Variants in LRIT1 observed in about 807,000 individuals in gnomAD.
LRIT1 encodes leucine rich repeat, Ig-like and transmembrane domains 1.
Under a neutral mutation model 24.0 loss-of-function variants are expected in LRIT1, and 23 were observed. The ratio of observed to expected loss-of-function variants is 0.96; its 90% CI spans 0.69 to 1.36. LRIT1 has a LOEUF of 1.36. LRIT1 is among the 40% of genes most tolerant of loss of function. The pLI is 0.00. For missense variants in LRIT1, 846 were observed against 806.3 expected, an observed-to-expected ratio of 1.05 and a Z score of -0.60; for synonymous variants, 361 against 340.5, an observed-to-expected ratio of 1.06 and a Z score of -0.66.
chr10:84,241,385 C>T lies in LRIT1; in HGVS notation c.55G>A (p.Ala19Thr), dbSNP rs772451441. Residue 19 changes from alanine to threonine, a missense_variant, in exon 1 of 4, where the codon GCC becomes ACC. By Grantham distance (58) the Ala-to-Thr change is moderately conservative. Transcript: ENST00000372105. The stretch of plus-strand genomic sequence containing the variant: ...CATTGAGAGGGGCAGAAGCCCCGGG[C>T]CTGGGGGGGCCACGCAAGGGCCAAG... Reference protein sequence around the residue: ...WLLALAWPPQARGFCPSQCSC... With the variant: ...WLLALAWPPQTRGFCPSQCSC... 1.9e-6 allele frequency: 3 copies of T among 1,611,600 alleles called. No homozygotes were observed. In the Admixed American group the frequency reaches 5.0e-5, roughly 27 times the overall value.
Position 84,237,294 on chromosome 10 carries a change from T to G in LRIT1, c.515A>C (p.Gln172Pro). ...GTGAGCCCAGGAGACGATGAGCTCC[T>G]GCGGGAGCCTCATCAGCTGGTTGCT... ...LSSNQLMRLPQELIVSWAHLE... is the reference protein window; with the variant it reads ...LSSNQLMRLPPELIVSWAHLE... The change falls in exon 2 of 4, where the codon CAG (glutamine) becomes CCG (proline). Residue 172 changes from glutamine (Q) to proline (P), a missense_variant. Coordinates refer to ENST00000372105, the MANE Select transcript of LRIT1 (RefSeq NM_015613.3). 4 of 1,550,994 alleles carry G rather than the reference T, an allele frequency of 2.6e-6. No individual in the cohort carries two copies. The highest frequency in any genetic ancestry group is 3.5e-6 in the Non-Finnish European group (4 of 1,146,964).
At position 84,237,412 on chromosome 10, in the gene LRIT1, G is replaced by A. The variant is rs1156311150; in HGVS notation, c.397C>T (p.Leu133=). 1 of 1,546,726 alleles carries A rather than the reference G, an allele frequency of 6.5e-7. No homozygotes were observed. Among genetic ancestry groups the A allele is most frequent in the African/African-American group, 1.4e-5 (1 of 73,106 alleles). Reference sequence around the variant, plus strand: ...TTGGCCTGCAGGTCCAGCAGCCGCAGCTTGGGGGCGTCCCTGAGCGCCGCC... The same window carrying A: ...TTGGCCTGCAGGTCCAGCAGCCGCAACTTGGGGGCGTCCCTGAGCGCCGCC... ...PWAALRDAPK[L]RLLDLQANRL... is the part of the protein sequence containing the mutation. The change falls in exon 2 of 4, where the codon CTG becomes TTG. Residue 133 remains leucine (L), a synonymous_variant. Transcript: ENST00000372105.
In LRIT1 at chr10:84,234,914, G is replaced by C. The variant is rs377635717; in HGVS notation, c.590-536C>G. On this transcript the variant is annotated intron_variant, in intron 2 of 3. Coordinates refer to ENST00000372105, the MANE Select transcript of LRIT1 (RefSeq NM_015613.3). ...ACAGGGCCAGAAAATCAAATCCTAG[G>C]CTATATCCCCTACTGTCTTTACTCT... is the stretch of plus-strand genomic sequence containing the variant. Among the ~76,000 whole-genome samples the C allele has an allele frequency of 2.4e-3, 369 of 152,170 alleles. 1 individual carries two copies. The highest frequency in any genetic ancestry group is 0.018 in the South Asian group (88 of 4,822).
At position 84,232,349 on chromosome 10, in the gene LRIT1, T is replaced by A. The variant is rs200114958; in HGVS notation, c.1450A>T (p.Thr484Ser). Residue 484 changes from threonine (T) to serine (S), a missense_variant, in exon 4 of 4, where the codon ACC becomes TCC. By Grantham distance (58) the Thr-to-Ser change is moderately conservative. Transcript: ENST00000372105. ...GTCTTGGGCAACAGCCCAGTGATGG[T>A]CACTCTGGTCTTCCCAGGCTGCACA... ...VIVQPGKTRV[T>S]ITGLLPKTKY... 4.5e-5 allele frequency: 73 copies of A among 1,613,790 alleles called. No individual in the cohort carries two copies. The highest frequency in any genetic ancestry group is 5.3e-5 in the Non-Finnish European group (63 of 1,179,948).
chr10:84,239,282 A>T (rs1159955150), intron 1 of LRIT1, among the ~76,000 whole-genome samples: 1 of 152,210 alleles, frequency 6.6e-6, no homozygotes, highest in Non-Finnish European at 1.5e-5. Context: ...ATATTTCCAG[A>T]TACTACAATA....
rs900961105 is a variant in LRIT1 at position 84,231,806 on chromosome 10, T to C, written c.*121A>G. The stretch of plus-strand genomic sequence containing the variant: ...GTAGCAGCTGCTGCTGCTGTTGTTG[T>C]GTGTAAGTATCTGAGTAAGCAGGTA... On this transcript the variant is annotated 3_prime_UTR_variant, in exon 4 of 4. Transcript: ENST00000372105. 21 of 1,066,968 alleles carry C rather than the reference T, an allele frequency of 2.0e-5. No homozygotes were observed. The highest frequency in any genetic ancestry group is 2.7e-5 in the Non-Finnish European group (20 of 754,350). 66.1% of individuals were successfully genotyped at this position (1,066,968 alleles called of 1,614,324 possible). A position where few individuals can be genotyped will look rare whatever the true frequency, so the allele number is the denominator to read the frequency against.
At chr10:84,234,041 T>C in intron 3 of LRIT1, 32 bp downstream of exon 3, 2 of 1,415,566 alleles carry the variant, frequency 1.4e-6, no homozygotes, top group Admixed American at 2.6e-5. Context: ...CCAGTCTAGG[T>C]TCTCAGTGCA....
intron 2 of LRIT1, 88 bp downstream of exon 2, chr10:84,237,132 A>G (rs1305841055): frequency 9.5e-7 from 1 of 1,055,418 alleles, no homozygotes; most frequent in Admixed American, 2.4e-5. Context: ...CCTGGAAGGA[A>G]GGTATGATTT....
chr10:84,234,261 C>A lies in LRIT1; in HGVS notation c.707G>T (p.Arg236Leu). The change falls in exon 3 of 4, where the codon CGT becomes CTT. Residue 236 changes from arginine (R) to leucine (L), a missense_variant. Physicochemically the swap from Arg to Leu is moderately radical, Grantham distance 102. Transcript: ENST00000372105. ...IETELRCASP[R>L]SLAGVAFSQL... is the part of the protein sequence containing the mutation. ...GCTGAAGGCCACTCCGGCCAGGCTA[C>A]GTGGGCTGGCACATCTCAGTTCAGT... The A allele has an allele frequency of 6.2e-7, 1 of 1,613,848 alleles. No individual in the cohort carries two copies. The highest frequency in any genetic ancestry group is 8.5e-7 in the Non-Finnish European group (1 of 1,179,886).
Position 84,241,477 on chromosome 10 carries a change from C to A in LRIT1, c.-38G>T. On this transcript the variant is annotated 5_prime_UTR_variant, in exon 1 of 4. Transcript: ENST00000372105. ...CTCTCTGGCCCAGGCAGGGGCCTGT[C>A]CCTGGACCGCTCCGTCCCACCGGCC... 1 of 1,470,526 alleles carries A rather than the reference C, an allele frequency of 6.8e-7. No individual in the cohort carries two copies. Among genetic ancestry groups the A allele is most frequent in the Non-Finnish European group, 9.0e-7 (1 of 1,117,176 alleles). 91.1% of individuals were successfully genotyped at this position (1,470,526 alleles called of 1,614,324 possible).
At chr10:84,233,556 A>G (rs375738969) in intron 3 of LRIT1, among the ~76,000 whole-genome samples, 2 of 152,176 alleles carry the variant, frequency 1.3e-5, no homozygotes, top group African/African-American at 4.8e-5. Flanking sequence ...TGTGTAATGT[A>G]GCATTTAGCC....
At chr10:84,240,284 C>T (rs1842682116) in intron 1 of LRIT1, among the ~76,000 whole-genome samples, 1 of 152,174 alleles carries the variant, frequency 6.6e-6, no homozygotes, top group Non-Finnish European at 1.5e-5. Context: ...GGGACAGGAC[C>T]CTTACACTTC....
Position 84,232,677 on chromosome 10 carries a change from G to A in LRIT1, c.1122C>T (p.Tyr374=). 1 of 1,613,702 alleles carries A rather than the reference G, an allele frequency of 6.2e-7. No homozygotes were observed. Among genetic ancestry groups the A allele is most frequent in the African/African-American group, 1.3e-5 (1 of 75,062 alleles). Residue 374 remains tyrosine (Y), a synonymous_variant, in exon 4 of 4, where the codon TAC becomes TAT. Coordinates refer to ENST00000372105, the MANE Select transcript of LRIT1 (RefSeq NM_015613.3). ...CATGCCTGGCCACCAGCTTGTTGTTGTAAGCAGCAGCTTCCCCTCCGCCAC... is the reference window on the plus strand; with the variant it reads ...CATGCCTGGCCACCAGCTTGTTGTTATAAGCAGCAGCTTCCCCTCCGCCAC... ...RTGGGGEAAA[Y]NNKLVARHVP...
chr10:84,236,250 C>T (rs1842646630), intron 2 of LRIT1, among the ~76,000 whole-genome samples: 1 of 150,818 alleles, frequency 6.6e-6, no homozygotes, highest in Non-Finnish European at 1.5e-5. Context: ...GAGCCGAGGT[C>T]GTGCCACTGG....
intron 1 of LRIT1, among the ~76,000 whole-genome samples, chr10:84,240,137 G>C (rs557397315): frequency 6.6e-6 from 1 of 152,240 alleles, no homozygotes; most frequent in Non-Finnish European, 1.5e-5. Flanking sequence ...CTGGGTTCCA[G>C]GACCGGTTTT....
At chr10:84,238,500 G>A (rs550744821) in intron 1 of LRIT1, among the ~76,000 whole-genome samples, 1 of 152,200 alleles carries the variant, frequency 6.6e-6, no homozygotes, top group South Asian at 2.1e-4. Flanking sequence ...TGCGATCGAT[G>A]ATCAAGTTGT....
In LRIT1 at chr10:84,234,104, C is replaced by T; in HGVS notation, c.864G>A (p.Arg288=). 1 of 1,578,394 alleles carries T rather than the reference C, an allele frequency of 6.3e-7. No individual in the cohort carries two copies. The highest frequency in any genetic ancestry group is 2.3e-5 in the East Asian group (1 of 44,376). The change falls in exon 3 of 4, where the codon AGG becomes AGA. Residue 288 remains arginine (R), a synonymous_variant. Coordinates refer to ENST00000372105, the MANE Select transcript of LRIT1 (RefSeq NM_015613.3). ...CATTAAGGGGCCTGCCATTGGCCCTCCTCCAGCTCATCTCGGGCCCAGGGA... is the reference window on the plus strand; with the variant it reads ...CATTAAGGGGCCTGCCATTGGCCCTTCTCCAGCTCATCTCGGGCCCAGGGA... ...TGVPGPEMSW[R]RANGRPLNGT...
intron 2 of LRIT1, 26 bp from the exon 3 acceptor site, chr10:84,234,404 A>C (rs747781401): frequency 5.4e-6 from 8 of 1,494,274 alleles, no homozygotes; most frequent in Non-Finnish European, 6.3e-6. Flanking sequence ...AGAAGACAAG[A>C]TATTCAGATA....
rs762692802 is a variant in LRIT1 at position 84,237,581 on chromosome 10, G to A, written c.228C>T (p.Gly76=). ...LERTAIRRVP[G]EAFRPLGRLE... The stretch of plus-strand genomic sequence containing the variant: ...GGCGGCCCAGGGGCCTGAAGGCCTC[G>A]CCAGGAACCCTGCGTATGGCCGTCC... Residue 76 remains glycine, a synonymous_variant, in exon 2 of 4, where the codon GGC becomes GGT. Transcript: ENST00000372105. 30 of 1,606,512 alleles carry A rather than the reference G, an allele frequency of 1.9e-5. No homozygotes were observed. Among genetic ancestry groups the A allele is most frequent in the Non-Finnish European group, 2.4e-5 (28 of 1,179,794 alleles).
Sources: gnomAD v4.1 joint callset for allele counts (sites outside exome capture counted in the v4.1 genomes callset) on GRCh38, gnomAD v4.1.1 for gene constraint, MANE v1.5 for transcripts, NCBI Gene and HGNC (gene_info 2026-07-23, HGNC 2026-07-21) for gene names.